ZNF248: variants seen among roughly 807,000 people sequenced by gnomAD.
The protein encoded by ZNF248 is KRAB protein domain.
Under a neutral mutation model 44.3 loss-of-function variants are expected in ZNF248, and 20 were observed. The observed-to-expected ratio is 0.45, with a 90% CI of 0.32 to 0.66. ZNF248 has a LOEUF of 0.66. ZNF248 is among the 30% of genes least tolerant of loss of function. The probability of loss-of-function intolerance (pLI) is 0.04; values close to 1 mark genes in which losing one functional copy is unlikely to be tolerated. For missense variants in ZNF248, 654 were observed against 677.0 expected (o/e 0.97, Z 0.38); for synonymous variants, 224 against 229.0 (o/e 0.98, Z 0.20).
At chr10:37,782,419 A>G (rs1589017975) in intron 6 of ZNF248, among the ~76,000 whole-genome samples, 1 of 152,200 alleles carries the variant, frequency 6.6e-6, no homozygotes, top group East Asian at 1.9e-4. Flanking sequence ...GGAAAAGGTG[A>G]ATATATTTTG....
At chr10:37,845,169 G>A (rs562965614) in intron 3 of ZNF248, among the ~76,000 whole-genome samples, 1 of 151,674 alleles carries the variant, frequency 6.6e-6, no homozygotes, top group South Asian at 2.1e-4. Flanking sequence ...CTCCAGGCAC[G>A]TGCCACCACA....
At position 37,831,424 on chromosome 10, in the gene ZNF248, A is replaced by G. The variant is rs1385005906; in HGVS notation, c.*191T>C. The G allele has an allele frequency of 4.6e-5, 69 of 1,502,530 alleles. No individual in the cohort carries two copies. The highest frequency in any genetic ancestry group is 5.5e-5 in the Non-Finnish European group (62 of 1,126,640). 93.1% of individuals were successfully genotyped at this position (1,502,530 alleles called of 1,614,324 possible). On this transcript the variant is annotated 3_prime_UTR_variant, in exon 6 of 6. Coordinates refer to ENST00000395867, the MANE Select transcript of ZNF248 (RefSeq NM_021045.3). ...TAAATTCCAGATAAATATTTTCACC[A>G]TATTACTTAGATGAATAGAATTCCC...
At chr10:37,778,130 G>A (rs1341136221) in intron 6 of ZNF248, among the ~76,000 whole-genome samples, 1 of 152,090 alleles carries the variant, frequency 6.6e-6, no homozygotes, top group Non-Finnish European at 1.5e-5. Flanking sequence ...CACAATGGTT[G>A]AACTAGTTTA....
chr10:37,769,802 GTAT>G, the ZNF248 span, among the ~76,000 whole-genome samples: 3 of 152,132 alleles, frequency 2.0e-5, no homozygotes, highest in African/African-American at 7.2e-5. Flanking sequence ...AAAATAAAGG[GTAT>G]TCAATTAGGA....
chr10:37,770,788 A>G, the ZNF248 span, among the ~76,000 whole-genome samples: 3 of 152,142 alleles, frequency 2.0e-5, no homozygotes, highest in Non-Finnish European at 4.4e-5. Context: ...TAATTAAACT[A>G]AAGAGCTTCT....
intron 6 of ZNF248, among the ~76,000 whole-genome samples, chr10:37,804,101 C>CTTTTTT (rs59261731): frequency 2.1e-4 from 26 of 124,924 alleles, no homozygotes; most frequent in Non-Finnish European, 2.9e-4. Context: ...TTTTCTTTTT[C>CTTTTTT]TTTTTTTTTT....
At chr10:37,764,440 C>T in the ZNF248 span, among the ~76,000 whole-genome samples, 1 of 152,170 alleles carries the variant, frequency 6.6e-6, no homozygotes, top group Non-Finnish European at 1.5e-5. Context: ...TGATTTCGCC[C>T]TGCCTCCATT....
Position 37,831,397 on chromosome 10 carries a change from C to T in ZNF248, c.*218G>A. Reference sequence around the variant, plus strand: ...ACGTCTGGAATATAACACTAAACAACATAAATTCCAGATAAATATTTTCAC... The same window carrying T: ...ACGTCTGGAATATAACACTAAACAATATAAATTCCAGATAAATATTTTCAC... On this transcript the variant is annotated 3_prime_UTR_variant, in exon 6 of 6. Coordinates refer to ENST00000395867, the MANE Select transcript of ZNF248 (RefSeq NM_021045.3). 4 of 1,523,536 alleles carry T rather than the reference C, an allele frequency of 2.6e-6. No individual in the cohort carries two copies. The South Asian group carries it at 5.0e-5, about 19-fold the overall frequency. The allele number at this position is 1,523,536 out of a possible 1,614,324, so 94.4% of individuals were successfully genotyped here. A position where few individuals can be genotyped will look rare whatever the true frequency, so the allele number is the denominator to read the frequency against.
At chr10:37,770,534 T>C in the ZNF248 span, among the ~76,000 whole-genome samples, 3 of 152,188 alleles carry the variant, frequency 2.0e-5, no homozygotes, top group African/African-American at 7.2e-5. Context: ...GGATTCCCTA[T>C]TTAATAAATG....
the ZNF248 span, among the ~76,000 whole-genome samples, chr10:37,765,732 T>A: frequency 6.6e-6 from 1 of 152,200 alleles, no homozygotes; most frequent in Non-Finnish European, 1.5e-5. Flanking sequence ...ACTGGGTTCA[T>A]CTCACTAGGG....
chr10:37,839,467 G>A (rs1172709454), intron 3 of ZNF248, among the ~76,000 whole-genome samples: 1 of 144,082 alleles, frequency 6.9e-6, no homozygotes, highest in Non-Finnish European at 1.6e-5. Flanking sequence ...TTAATAACCT[G>A]GGGGTGGTCT....
At chr10:37,781,722 G>A (rs937883216) in intron 6 of ZNF248, among the ~76,000 whole-genome samples, 2 of 152,216 alleles carry the variant, frequency 1.3e-5, no homozygotes, top group Admixed American at 1.3e-4. Context: ...GGTGACTATA[G>A]TTTGTACATT....
Position 37,832,438 on chromosome 10 carries a change from A to C in ZNF248, c.917T>G (p.Phe306Cys), listed in dbSNP as rs2056023028. The C allele has an allele frequency of 6.2e-7, 1 of 1,614,026 alleles. No homozygotes were observed. The highest frequency in any genetic ancestry group is 8.5e-7 in the Non-Finnish European group (1 of 1,179,940). Residue 306 changes from phenylalanine (F) to cysteine (C), a missense_variant, in exon 6 of 6, where the codon TTC (phenylalanine) becomes TGC (cysteine). Coordinates refer to ENST00000395867, the MANE Select transcript of ZNF248 (RefSeq NM_021045.3). ...GATAATGAAAGCTGAATTGTCACAG[A>C]AGATTTCCCCATATTCATTATATTC... ...PYEYNEYGEI[F>C]CDNSAFIIHQ...
intron 3 of ZNF248, among the ~76,000 whole-genome samples, chr10:37,842,581 T>C (rs1390194903): frequency 6.6e-6 from 1 of 152,174 alleles, no homozygotes; most frequent in Non-Finnish European, 1.5e-5. Context: ...GAATTGCTTA[T>C]CTGTTCCAAC....
At chr10:37,778,934 A>G (rs9418286) in intron 6 of ZNF248, among the ~76,000 whole-genome samples, 8,871 of 151,776 alleles carry the variant, frequency 0.058, 318 homozygotes, top group Middle Eastern at 0.092. Flanking sequence ...TACATTCCTC[A>G]ACACATACAC....
chr10:37,812,094 G>A (rs565901022), intron 6 of ZNF248, among the ~76,000 whole-genome samples: 11 of 151,992 alleles, frequency 7.2e-5, no homozygotes, highest in East Asian at 3.9e-4. Context: ...AAAATTAGCC[G>A]GTCATGGTGG....
intron 6 of ZNF248, among the ~76,000 whole-genome samples, chr10:37,818,449 C>T (rs2052907508): frequency 6.6e-6 from 1 of 152,170 alleles, no homozygotes; most frequent in Non-Finnish European, 1.5e-5. Flanking sequence ...AGAATCCATG[C>T]TGTCATGCTC....
downstream of ZNF248, among the ~76,000 whole-genome samples, chr10:37,824,750 C>T (rs11593422): frequency 0.068 from 8,562 of 125,026 alleles, 331 homozygotes; most frequent in Middle Eastern, 0.14. Flanking sequence ...GGCGCGATCT[C>T]GGCTCACTGC....
At chr10:37,774,881 A>G (rs1008715169), downstream of ZNF248, among the ~76,000 whole-genome samples, 1 of 152,146 alleles carries the variant, frequency 6.6e-6, no homozygotes, top group African/African-American at 2.4e-5. Context: ...CCAGGGTTCA[A>G]GTGATTCTCC....
Sources: gnomAD v4.1 joint callset for allele counts (sites outside exome capture counted in the v4.1 genomes callset) on GRCh38, gnomAD v4.1.1 for gene constraint, MANE v1.5 for transcripts, NCBI Gene and HGNC (gene_info 2026-07-23, HGNC 2026-07-21) for gene names.